Variants in CALN1 observed in about 807,000 individuals in gnomAD.
CALN1 encodes the protein calcium-binding protein 8.
In CALN1, 17 loss-of-function variants were observed where a neutral mutation model predicts 30.6. That is an observed-to-expected ratio of 0.56 (90% confidence interval 0.38 to 0.83). The LOEUF is 0.83. Among genes scored for constraint, CALN1 ranks in the 40% least tolerant of loss-of-function variants. The pLI, the probability that CALN1 is intolerant of heterozygous loss-of-function variation, is 0.00. For missense variants in CALN1, 291 were observed against 354.9 expected, an observed-to-expected ratio of 0.82 and a Z score of 1.45; for synonymous variants, 156 against 131.4, an observed-to-expected ratio of 1.19 and a Z score of -1.28.
chr7:71,802,912 T>C lies in CALN1; in HGVS notation c.658+7424A>G, dbSNP rs915830128. On this transcript the variant is annotated intron_variant, in intron 6 of 6. Coordinates refer to ENST00000395275, the MANE Select transcript of CALN1 (RefSeq NM_031468.4). The stretch of plus-strand genomic sequence containing the variant: ...GTGGCGCATGCCTGTTAATTCCATT[T>C]GCTCAGGAGGCTGAGGCAGGAGAAT... 6.9e-4 allele frequency among the ~76,000 whole-genome samples: 105 copies of C among 152,172 alleles called. No individual in the cohort carries two copies. The Middle Eastern group carries it at 0.014, about 20-fold the overall frequency.
In CALN1 at chr7:72,106,298, C is replaced by A; in HGVS notation, c.245-4G>T. ...ACCCGAAAGGCCTCTCGGATTTCTACAATGGAAAAGCAAAGAAAGTCCAGT... is the reference window on the plus strand; with the variant it reads ...ACCCGAAAGGCCTCTCGGATTTCTAAAATGGAAAAGCAAAGAAAGTCCAGT... On this transcript the variant is annotated splice_polypyrimidine_tract_variant and splice_region_variant and intron_variant, in intron 3 of 6. Coordinates refer to ENST00000395275, the MANE Select transcript of CALN1 (RefSeq NM_031468.4). The A allele has an allele frequency of 6.2e-7, 1 of 1,613,884 alleles. No individual in the cohort carries two copies. The highest frequency in any genetic ancestry group is 8.5e-7 in the Non-Finnish European group (1 of 1,179,958).
intron 2 of CALN1, among the ~76,000 whole-genome samples, chr7:72,402,999 C>G (rs867353655): frequency 6.6e-6 from 1 of 152,202 alleles, no homozygotes; most frequent in African/African-American, 2.4e-5. Context: ...CACCTGAAAA[C>G]AAGCATGTCC....
At chr7:72,216,962 TCA>T (rs1349652488) in intron 3 of CALN1, among the ~76,000 whole-genome samples, 4 of 152,082 alleles carry the variant, frequency 2.6e-5, no homozygotes, top group Admixed American at 2.0e-4. Context: ...CAGACTGGTC[TCA>T]AACTCCTGGG....
chr7:72,326,051 C>T (rs904178903), intron 2 of CALN1, among the ~76,000 whole-genome samples: 7 of 152,062 alleles, frequency 4.6e-5, no homozygotes, highest in African/African-American at 9.7e-5. Context: ...TACCGGTGCC[C>T]GCCACCACGC....
intron 5 of CALN1, among the ~76,000 whole-genome samples, chr7:71,994,913 C>T (rs544818045): frequency 1.4e-4 from 21 of 147,402 alleles, no homozygotes; most frequent in Middle Eastern, 7.7e-3. Flanking sequence ...AGTGCAGTGG[C>T]GCGATCTCAG....
intron 5 of CALN1, among the ~76,000 whole-genome samples, chr7:71,918,626 T>C (rs568466256): frequency 6.6e-6 from 1 of 152,186 alleles, no homozygotes; most frequent in East Asian, 1.9e-4. Flanking sequence ...TTGAAGACAG[T>C]GTGGGAAGCA....
chr7:72,301,495 C>G (rs1799257699), intron 2 of CALN1, among the ~76,000 whole-genome samples: 1 of 151,262 alleles, frequency 6.6e-6, no homozygotes, highest in Admixed American at 6.6e-5. Context: ...GTAGTCCCAG[C>G]TACTCGGGAG....
At chr7:72,408,037 G>A (rs1310283308) in intron 1 of CALN1, among the ~76,000 whole-genome samples, 2 of 152,134 alleles carry the variant, frequency 1.3e-5, no homozygotes, top group South Asian at 2.1e-4. Flanking sequence ...ATGGCATTTA[G>A]GCGCAGGCAG....
intron 5 of CALN1, among the ~76,000 whole-genome samples, chr7:71,901,359 C>T (rs1038328976): frequency 1.3e-4 from 19 of 151,038 alleles, no homozygotes; most frequent in African/African-American, 4.6e-4. Flanking sequence ...CAATACAATC[C>T]CTATCAAAGT....
At chr7:71,790,152 A>G (rs1156449544) in intron 6 of CALN1, among the ~76,000 whole-genome samples, 1 of 126,144 alleles carries the variant, frequency 7.9e-6, no homozygotes, top group Admixed American at 7.8e-5. Context: ...AGAAAGAAGA[A>G]AGAGAAAGAA....
At chr7:71,813,265 G>A (rs1016131240) in intron 5 of CALN1, among the ~76,000 whole-genome samples, 2 of 152,010 alleles carry the variant, frequency 1.3e-5, no homozygotes, top group Non-Finnish European at 2.9e-5. Context: ...GGCTGGTTTC[G>A]AACTCCTGGC....
rs1172149610 is a variant in CALN1, at chr7:72,338,515, GTGTGTGTGTGTGTC to G, written c.120-59719_120-59706del. 6.3e-4 allele frequency among the ~76,000 whole-genome samples: 94 copies of G among 148,802 alleles called. 2 individuals carry two copies. The highest frequency in any genetic ancestry group is 2.3e-3 in the African/African-American group (89 of 39,554). Reference sequence around the variant, plus strand: ...TGTGTGTGTGTGTGTGTGTGTGTGTGTGTGTGTGTGTGTCTCACCTGGGTGTGGTTTCAGAGTCC... The same window carrying G: ...TGTGTGTGTGTGTGTGTGTGTGTGTGTCACCTGGGTGTGGTTTCAGAGTCC... On this transcript the variant is annotated intron_variant, in intron 2 of 6. Transcript: ENST00000395275.
intron 4 of CALN1, among the ~76,000 whole-genome samples, chr7:72,048,647 C>G (rs1037720059): frequency 6.6e-6 from 1 of 150,946 alleles, no homozygotes; most frequent in South Asian, 2.1e-4. Context: ...AATATAATTT[C>G]CTTCCTTTTC....
chr7:72,242,825 T>G (rs1047019956), intron 3 of CALN1, among the ~76,000 whole-genome samples: 2 of 152,120 alleles, frequency 1.3e-5, no homozygotes, highest in Non-Finnish European at 2.9e-5. Context: ...GAGGCAGAGA[T>G]TGCAGTAAGC....
At chr7:72,080,595 T>C (rs1338128485) in intron 4 of CALN1, among the ~76,000 whole-genome samples, 2 of 152,114 alleles carry the variant, frequency 1.3e-5, no homozygotes, top group African/African-American at 4.8e-5. Context: ...CAGTCCCTAG[T>C]GTACTGTGCC....
At chr7:72,128,199 G>C (rs538845075) in intron 3 of CALN1, among the ~76,000 whole-genome samples, 8 of 152,050 alleles carry the variant, frequency 5.3e-5, no homozygotes, top group South Asian at 2.1e-4. Flanking sequence ...ATGAAAATAG[G>C]AAAACACAAG....
At chr7:71,835,840 T>C (rs567288595) in intron 5 of CALN1, among the ~76,000 whole-genome samples, 1 of 152,310 alleles carries the variant, frequency 6.6e-6, no homozygotes, top group East Asian at 1.9e-4. Context: ...CCTTTCCTTG[T>C]GAAGCTCTTT....
chr7:72,446,216 A>G (rs933708320), intron 1 of CALN1, among the ~76,000 whole-genome samples: 2 of 152,220 alleles, frequency 1.3e-5, no homozygotes, highest in Non-Finnish European at 2.9e-5. Flanking sequence ...CATTTCACCC[A>G]GAAGTCACCC....
At chr7:72,082,337 A>C (rs1406429722) in intron 4 of CALN1, among the ~76,000 whole-genome samples, 1 of 152,206 alleles carries the variant, frequency 6.6e-6, no homozygotes, top group Admixed American at 6.5e-5. Context: ...AAAATGCCGC[A>C]GCGGAACAGC....
Sources: gnomAD v4.1 joint callset for allele counts (sites outside exome capture counted in the v4.1 genomes callset) on GRCh38, gnomAD v4.1.1 for gene constraint, MANE v1.5 for transcripts, NCBI Gene and HGNC (gene_info 2026-07-23, HGNC 2026-07-21) for gene names.